TNR: variants seen among roughly 807,000 people sequenced by gnomAD.
TNR encodes tenascin-R.
Under a neutral mutation model 150.4 loss-of-function variants are expected in TNR, and 45 were observed. The observed-to-expected ratio is 0.30, with a 90% confidence interval of 0.24 to 0.38. The LOEUF (loss-of-function observed/expected upper bound fraction) is 0.38. Among genes scored for constraint, TNR ranks in the 10% least tolerant of loss-of-function variants. The pLI is 1.00. For missense variants in TNR, 1,544 were observed against 1,759.1 expected (o/e 0.88, Z 2.19); for synonymous variants, 687 against 678.4 (o/e 1.01, Z -0.20).
intron 2 of TNR, among the ~76,000 whole-genome samples, chr1:175,457,924 C>T (rs373891914): frequency 7.9e-5 from 12 of 152,308 alleles, no homozygotes; most frequent in East Asian, 1.9e-4. Context: ...AACTGGCAAA[C>T]GCCAGAGTTG....
chr1:175,403,844 C>A (rs1377207231), intron 3 of TNR, among the ~76,000 whole-genome samples: 1 of 152,142 alleles, frequency 6.6e-6, no homozygotes, highest in East Asian at 1.9e-4. Flanking sequence ...AGATCTGGGC[C>A]CTTGTCCTCC....
intron 22 of TNR, among the ~76,000 whole-genome samples, chr1:175,323,926 C>T (rs1649211937): frequency 6.6e-6 from 1 of 152,194 alleles, no homozygotes; most frequent in South Asian, 2.1e-4. Context: ...TCAGTGTTAA[C>T]ACTTAGAAAG....
rs1281755636 is a variant in TNR at position 175,406,695 on chromosome 1, G to C, written c.20C>G (p.Thr7Arg). 5 of 1,614,084 alleles carry C rather than the reference G, an allele frequency of 3.1e-6. No individual in the cohort carries two copies. Among genetic ancestry groups the C allele is most frequent in the African/African-American group, 1.3e-5 (1 of 75,048 alleles). The change falls in exon 3 of 23, where the codon ACA becomes AGA. Residue 7 changes from threonine to arginine, a missense_variant. Physicochemically the swap from Thr to Arg is moderately conservative, Grantham distance 71 (BLOSUM62 -1). Transcript: ENST00000367674. MGADGETVVLKNMLIGI... is the reference protein window; with the variant it reads MGADGERVVLKNMLIGI... ...AATGAGCATGTTCTTCAGAACCACT[G>C]TTTCCCCATCTGCCCCCATCCTCTC...
intron 1 of TNR, among the ~76,000 whole-genome samples, chr1:175,688,664 C>T (rs929597615): frequency 6.6e-6 from 1 of 152,202 alleles, no homozygotes; most frequent in African/African-American, 2.4e-5. Flanking sequence ...TTGCCACTAG[C>T]AATCCCTAAA....
chr1:175,657,733 A>G (rs1321365063), intron 1 of TNR, among the ~76,000 whole-genome samples: 5 of 119,824 alleles, frequency 4.2e-5, no homozygotes, highest in African/African-American at 6.4e-5. Flanking sequence ...GAACACATGG[A>G]CACAGGAAGG....
chr1:175,651,615 G>A (rs1161994582), intron 1 of TNR, among the ~76,000 whole-genome samples: 1 of 151,896 alleles, frequency 6.6e-6, no homozygotes, highest in Non-Finnish European at 1.5e-5. Context: ...CCTAGGCCTG[G>A]TCATTTATAC....
chr1:175,529,922 T>C (rs1243759705), intron 1 of TNR, among the ~76,000 whole-genome samples: 1 of 152,252 alleles, frequency 6.6e-6, no homozygotes, highest in Non-Finnish European at 1.5e-5. Context: ...CGGGTACTTT[T>C]GACATGCTAT....
At chr1:175,634,032 G>A (rs1358885296) in intron 1 of TNR, among the ~76,000 whole-genome samples, 3 of 151,926 alleles carry the variant, frequency 2.0e-5, no homozygotes, top group South Asian at 4.2e-4. Flanking sequence ...ATGATGATAA[G>A]GCCAACCCCA....
At chr1:175,563,281 A>G (rs1661503531) in intron 1 of TNR, among the ~76,000 whole-genome samples, 1 of 152,254 alleles carries the variant, frequency 6.6e-6, no homozygotes, top group South Asian at 2.1e-4. Context: ...AAGTGGATGA[A>G]CACAGGCTAT....
intron 2 of TNR, among the ~76,000 whole-genome samples, chr1:175,521,618 TTTCTC>T (rs1481734525): frequency 6.6e-6 from 1 of 152,146 alleles, no homozygotes; most frequent in Non-Finnish European, 1.5e-5. Context: ...CCTTTTCTGT[TTTCTC>T]TTCTCTTTCA....
intron 2 of TNR, among the ~76,000 whole-genome samples, chr1:175,518,092 C>T (rs1350754684): frequency 6.6e-6 from 1 of 152,208 alleles, no homozygotes; most frequent in African/African-American, 2.4e-5. Flanking sequence ...TTCACTTCTT[C>T]TGAAAACTCA....
intron 1 of TNR, among the ~76,000 whole-genome samples, chr1:175,592,244 T>C (rs1442213990): frequency 1.3e-5 from 2 of 152,246 alleles, no homozygotes; most frequent in Admixed American, 1.3e-4. Flanking sequence ...CAACAATTGT[T>C]AACTCGGGTG....
rs111616947 is a variant in TNR, at chr1:175,550,291, T to C, written c.-164-21922A>G. On this transcript the variant is annotated intron_variant, in intron 1 of 22. Coordinates refer to ENST00000367674, the MANE Select transcript of TNR (RefSeq NM_003285.3). The stretch of plus-strand genomic sequence containing the variant: ...CTGCATGAGGAGCTGCTGGACTCCC[T>C]AGAGTCCCCTCTCTGCCCCTACCCA... 5.2e-4 allele frequency among the ~76,000 whole-genome samples: 79 copies of C among 152,242 alleles called. 1 individual carries two copies. Among genetic ancestry groups the C allele is most frequent in the African/African-American group, 1.8e-3 (76 of 41,550 alleles).
intron 1 of TNR, among the ~76,000 whole-genome samples, chr1:175,702,894 G>A (rs974164891): frequency 3.3e-5 from 5 of 152,148 alleles, no homozygotes; most frequent in African/African-American, 4.8e-5. Context: ...CATTTAAAAA[G>A]CACAGTTATT....
intron 1 of TNR, among the ~76,000 whole-genome samples, chr1:175,600,093 G>A (rs1571661396): frequency 6.6e-6 from 1 of 152,200 alleles, no homozygotes; most frequent in East Asian, 1.9e-4. Flanking sequence ...TCGGGGATTG[G>A]AACCCCAGTT....
chr1:175,518,086 C>A (rs1013238819), intron 2 of TNR, among the ~76,000 whole-genome samples: 1 of 152,170 alleles, frequency 6.6e-6, no homozygotes, highest in Non-Finnish European at 1.5e-5. Flanking sequence ...CATTCATTCA[C>A]TTCTTCTGAA....
chr1:175,404,689 G>T (rs941056177), intron 3 of TNR, among the ~76,000 whole-genome samples: 1 of 152,138 alleles, frequency 6.6e-6, no homozygotes, highest in African/African-American at 2.4e-5. Flanking sequence ...TCCCATGTTT[G>T]CCAGGGATCC....
At chr1:175,400,605 A>C (rs1653661485) in intron 4 of TNR, among the ~76,000 whole-genome samples, 1 of 152,196 alleles carries the variant, frequency 6.6e-6, no homozygotes, top group South Asian at 2.1e-4. Context: ...CTGCAGACCT[A>C]GGGGGCCTCA....
At chr1:175,737,869 A>G (rs1437263694) in intron 1 of TNR, among the ~76,000 whole-genome samples, 1 of 152,182 alleles carries the variant, frequency 6.6e-6, no homozygotes, top group African/African-American at 2.4e-5. Context: ...CCCTGACCCC[A>G]GAACTCCTTC....
Sources: gnomAD v4.1 joint callset for allele counts (sites outside exome capture counted in the v4.1 genomes callset) on GRCh38, gnomAD v4.1.1 for gene constraint, MANE v1.5 for transcripts, NCBI Gene and HGNC (gene_info 2026-07-23, HGNC 2026-07-21) for gene names.